The following FBXO7 variants were observed in gnomAD, a reference collection of about 807,000 sequenced individuals.
FBXO7 encodes F-box protein 7.
A neutral mutation model predicts 50.2 loss-of-function variants in FBXO7; 31 were observed. That is an observed-to-expected ratio of 0.62 (90% confidence interval 0.46 to 0.83). The LOEUF (loss-of-function observed/expected upper bound fraction) is 0.83, where lower values mean the gene tolerates loss of function less well. Ranked by LOEUF, FBXO7 falls within the 40% of genes least tolerant of loss-of-function variation. The probability of loss-of-function intolerance (pLI) is 0.00; values close to 1 mark genes in which losing one functional copy is unlikely to be tolerated. For missense variants in FBXO7, 667 were observed against 646.6 expected (o/e 1.03, Z -0.34); for synonymous variants, 256 against 253.1 (o/e 1.01, Z -0.11).
chr22:32,479,077 G>A lies in FBXO7; in HGVS notation c.219G>A (p.Leu73=). Residue 73 remains leucine, a synonymous_variant, in exon 2 of 9, where the codon TTG becomes TTA. Transcript: ENST00000266087. ...CATATGGGATTGTTTCTGGGGACTT[G>A]ATATGTTTGATTCTTCAAGATGACA... is the stretch of plus-strand genomic sequence containing the variant. ...LASYGIVSGD[L]ICLILQDDIP... is the part of the protein sequence containing the mutation. The A allele has an allele frequency of 1.9e-6, 3 of 1,614,184 alleles. No homozygotes were observed. The South Asian group carries it at 3.3e-5, about 18-fold the overall frequency.
chr22:32,485,894 G>C (rs530752334), intron 4 of FBXO7, among the ~76,000 whole-genome samples: 4 of 152,262 alleles, frequency 2.6e-5, no homozygotes, highest in Admixed American at 2.6e-4. Flanking sequence ...ACACATACTG[G>C]AGATCCATTT....
At position 32,495,507 on chromosome 22, in the gene FBXO7, G is replaced by A. The variant is rs866690766; in HGVS notation, c.1159G>A (p.Val387Ile). Residue 387 changes from valine (V) to isoleucine (I), a missense_variant, in exon 8 of 9, where the codon GTT becomes ATT. Coordinates refer to ENST00000266087, the MANE Select transcript of FBXO7 (RefSeq NM_012179.4). ...LRDFRDNTVR[V>I]QDTDWKELYR... ...TTCCTTTGTAGACAATACTGTCAGA[G>A]TTCAAGACACAGATTGGAAAGAAGT... 2 of 1,574,178 alleles carry A rather than the reference G, an allele frequency of 1.3e-6. No homozygotes were observed. Among genetic ancestry groups the A allele is most frequent in the Non-Finnish European group, 1.7e-6 (2 of 1,147,838 alleles).
In FBXO7 at chr22:32,474,844, A is replaced by T; in HGVS notation, c.-159A>T. ...CCAGAGACCGAGTGGCAGGGCGGCC[A>T]CTGTGGCGGGGCTCTTTCCCCGTTT... On this transcript the variant is annotated 5_prime_UTR_variant, in exon 1 of 9. Coordinates refer to ENST00000266087, the MANE Select transcript of FBXO7 (RefSeq NM_012179.4). 1 of 693,468 alleles carries T rather than the reference A, an allele frequency of 1.4e-6. No individual in the cohort carries two copies. Among genetic ancestry groups the T allele is most frequent in the Non-Finnish European group, 2.3e-6 (1 of 437,054 alleles). 43.0% of individuals were successfully genotyped at this position (693,468 alleles called of 1,614,324 possible).
chr22:32,495,321 T>C (rs1333101054), intron 7 of FBXO7, among the ~76,000 whole-genome samples, 172 bp from the exon 8 acceptor site: 1 of 151,732 alleles, frequency 6.6e-6, no homozygotes, highest in East Asian at 1.9e-4. Flanking sequence ...GTGTTTGAAT[T>C]AGATAAGAAA....
At chr22:32,497,395 T>C (rs1415579374) in intron 8 of FBXO7, among the ~76,000 whole-genome samples, 1 of 152,176 alleles carries the variant, frequency 6.6e-6, no homozygotes, top group African/African-American at 2.4e-5. Context: ...CAAGATTTGG[T>C]TTTCCATTCT....
chr22:32,475,223 G>A lies in FBXO7; in HGVS notation c.122+99G>A, dbSNP rs1374150332. 3.8e-5 allele frequency: 58 copies of A among 1,512,928 alleles called. No homozygotes were observed. In the Admixed American group the frequency reaches 7.4e-4, roughly 19 times the overall value. 93.7% of individuals were successfully genotyped at this position (1,512,928 alleles called of 1,614,324 possible). A position where few individuals can be genotyped will look rare whatever the true frequency, so the allele number is the denominator to read the frequency against. On this transcript the variant is annotated intron_variant, in intron 1 of 8. Transcript: ENST00000266087. ...TCATCTGTGGGCTGCAGGCGCGGGCGTGGCCGGGCGATAGGCCAAGTGCGG... is the reference window on the plus strand; with the variant it reads ...TCATCTGTGGGCTGCAGGCGCGGGCATGGCCGGGCGATAGGCCAAGTGCGG...
chr22:32,477,121 T>G (rs9606961), intron 1 of FBXO7, among the ~76,000 whole-genome samples: 15,423 of 152,282 alleles, frequency 0.1, 977 homozygotes, highest in East Asian at 0.15. Flanking sequence ...ACGTTTTGTT[T>G]ATCAAAGCAT....
At position 32,493,096 on chromosome 22, in the gene FBXO7, T is replaced by C; in HGVS notation, c.968-9T>C. ...GTAATACCTGTTACTTCTCTTTTTTTCCTTTTAGCACTGAACCTACCAGAT... is the reference window on the plus strand; with the variant it reads ...GTAATACCTGTTACTTCTCTTTTTTCCCTTTTAGCACTGAACCTACCAGAT... On this transcript the variant is annotated splice_polypyrimidine_tract_variant and intron_variant, in intron 6 of 8. Coordinates refer to ENST00000266087, the MANE Select transcript of FBXO7 (RefSeq NM_012179.4). The C allele has an allele frequency of 6.2e-7, 1 of 1,614,012 alleles. No homozygotes were observed. The highest frequency in any genetic ancestry group is 1.1e-5 in the South Asian group (1 of 91,080).
At chr22:32,482,029 C>A (rs1219735461) in intron 2 of FBXO7, among the ~76,000 whole-genome samples, 2 of 152,052 alleles carry the variant, frequency 1.3e-5, no homozygotes, top group African/African-American at 4.8e-5. Context: ...ATGTACTCAG[C>A]CTAGGGTACC....
At chr22:32,483,501 T>TG (rs2057478174) in intron 2 of FBXO7, among the ~76,000 whole-genome samples, 1 of 152,212 alleles carries the variant, frequency 6.6e-6, no homozygotes, top group Non-Finnish European at 1.5e-5. Context: ...AAGGGATACT[T>TG]GCAACGGAAG....
chr22:32,491,668 T>A (rs1354782855), intron 6 of FBXO7: 2 of 151,654 alleles, frequency 1.3e-5, no homozygotes, highest in Non-Finnish European at 2.9e-5. Flanking sequence ...TTTTTTTTTT[T>A]AAACCATTTA....
chr22:32,490,059 G>A (rs1477427995), intron 5 of FBXO7: 1 of 152,196 alleles, frequency 6.6e-6, no homozygotes, highest in Non-Finnish European at 1.5e-5. Context: ...GACATTAGCT[G>A]CATATCTCTT....
At chr22:32,476,112 G>A (rs76192859) in intron 1 of FBXO7, among the ~76,000 whole-genome samples, 2,608 of 151,996 alleles carry the variant, frequency 0.017, 85 homozygotes, top group African/African-American at 0.058. Context: ...AGGGAATTGG[G>A]TAAAATGAGG....
chr22:32,487,593 C>G, intron 4 of FBXO7, 152 bp from the exon 5 acceptor site: 1 of 612,464 alleles, frequency 1.6e-6, no homozygotes, highest in East Asian at 2.9e-5. Context: ...TTTGAACTTG[C>G]TATCAGAGAA....
chr22:32,485,975 C>T (rs1204436188), intron 4 of FBXO7, among the ~76,000 whole-genome samples: 1 of 152,186 alleles, frequency 6.6e-6, no homozygotes, highest in East Asian at 1.9e-4. Flanking sequence ...AGAAAGATAG[C>T]GTGGTAAGAT....
At chr22:32,486,536 G>A (rs960860054) in intron 4 of FBXO7, among the ~76,000 whole-genome samples, 7 of 151,586 alleles carry the variant, frequency 4.6e-5, no homozygotes, top group Non-Finnish European at 8.8e-5. Context: ...AAGTGTCACT[G>A]TGTTGCCCAG....
intron 2 of FBXO7, among the ~76,000 whole-genome samples, chr22:32,482,806 G>A (rs1295843951): frequency 2.0e-5 from 3 of 152,152 alleles, no homozygotes; most frequent in Admixed American, 6.5e-5. Flanking sequence ...CTTTACTGGG[G>A]TTACAAAAAT....
intron 6 of FBXO7, chr22:32,492,841 T>G (rs149954543): frequency 1.3e-4 from 64 of 495,720 alleles, no homozygotes; most frequent in African/African-American, 9.9e-4. Context: ...TTATCATAGT[T>G]ATTTGATTTA....
In FBXO7 at chr22:32,474,827, C is replaced by T. The variant is rs1251691170; in HGVS notation, c.-176C>T. 4.7e-6 allele frequency: 3 copies of T among 637,610 alleles called. No individual in the cohort carries two copies. The highest frequency in any genetic ancestry group is 3.2e-5 in the Admixed American group (1 of 31,320). The allele number at this position is 637,610 out of a possible 1,614,324, so 39.5% of individuals were successfully genotyped here. A position where few individuals can be genotyped will look rare whatever the true frequency, so the allele number is the denominator to read the frequency against. ...GGGGCGGGCGCTCTATTCCAGAGAC[C>T]GAGTGGCAGGGCGGCCACTGTGGCG... On this transcript the variant is annotated 5_prime_UTR_variant, in exon 1 of 9. Transcript: ENST00000266087.
Sources: gnomAD v4.1 joint callset for allele counts (sites outside exome capture counted in the v4.1 genomes callset) on GRCh38, gnomAD v4.1.1 for gene constraint, MANE v1.5 for transcripts, NCBI Gene and HGNC (gene_info 2026-07-23, HGNC 2026-07-21) for gene names.